The following NPEPPS variants were observed in gnomAD, a reference collection of about 807,000 sequenced individuals.
The protein encoded by NPEPPS is aminopeptidase puromycin sensitive.
Under a neutral mutation model 115.5 loss-of-function variants are expected in NPEPPS, and 14 were observed. That is an observed-to-expected ratio of 0.12 (90% CI 0.08 to 0.19). The LOEUF (loss-of-function observed/expected upper bound fraction) is 0.19. NPEPPS is among the 10% of genes least tolerant of loss of function. NPEPPS has a pLI of 1.00. For synonymous variants in NPEPPS, 285 were observed against 390.6 expected (o/e 0.73, Z 3.19); for missense variants, 523 against 1,110.8 (o/e 0.47, Z 7.52).
In NPEPPS at chr17:47,619,058, G is replaced by T; in HGVS notation, c.2453G>T (p.Gly818Val). ...DTVSVIGGVA[G>V]GSKHGRKAAW... ...GTATCGGTAATTGGTGGAGTAGCTG[G>T]AGGCAGCAAGCATGGTAGGAAAGCT... The change falls in exon 21 of 23, where the codon GGA becomes GTA. Residue 818 changes from glycine to valine, a missense_variant. Gly to Val is a moderately radical substitution (Grantham distance 109). Coordinates refer to ENST00000322157, the MANE Select transcript of NPEPPS (RefSeq NM_006310.4). The T allele has an allele frequency of 6.2e-7, 1 of 1,613,956 alleles. No individual in the cohort carries two copies. The highest frequency in any genetic ancestry group is 1.1e-5 in the South Asian group (1 of 91,078).
intron 22 of NPEPPS, among the ~76,000 whole-genome samples, chr17:47,620,453 G>T (rs1422786208): frequency 6.6e-6 from 1 of 152,110 alleles, no homozygotes; most frequent in Non-Finnish European, 1.5e-5. Flanking sequence ...AGATTCAGGG[G>T]CTTGAATTTG....
At chr17:47,546,425 C>G (rs1198735297) in intron 2 of NPEPPS, among the ~76,000 whole-genome samples, 5 of 148,110 alleles carry the variant, frequency 3.4e-5, no homozygotes. Context: ...GACCCTGACT[C>G]AAAAAAAGAA....
In NPEPPS at chr17:47,622,735, A is replaced by T; in HGVS notation, c.*815A>T. On this transcript the variant is annotated 3_prime_UTR_variant, in exon 23 of 23. Coordinates refer to ENST00000322157, the MANE Select transcript of NPEPPS (RefSeq NM_006310.4). Reference sequence around the variant, plus strand: ...CATTATTTTTTTCTTTTTAAAGATGACTTATAAGAACCCTGAAATTTATAT... The same window carrying T: ...CATTATTTTTTTCTTTTTAAAGATGTCTTATAAGAACCCTGAAATTTATAT... 1 of 394,520 alleles carries T rather than the reference A, an allele frequency of 2.5e-6. No homozygotes were observed. The allele number at this position is 394,520 out of a possible 1,614,324, so 24.4% of individuals were successfully genotyped here.
intron 10 of NPEPPS, 35 bp from the exon 11 acceptor site, chr17:47,591,920 CT>C (rs1413809995): frequency 1.4e-6 from 1 of 724,920 alleles, no homozygotes; most frequent in African/African-American, 1.8e-5. Context: ...AGGCTATCTG[CT>C]TCCTGTCATA....
chr17:47,552,151 A>G (rs1191424394), intron 2 of NPEPPS, among the ~76,000 whole-genome samples: 7 of 150,918 alleles, frequency 4.6e-5, no homozygotes, highest in Non-Finnish European at 7.4e-5. Context: ...ATTTTTGTAG[A>G]GATGGGGTTT....
intron 1 of NPEPPS, among the ~76,000 whole-genome samples, chr17:47,539,563 G>A (rs1470195467): frequency 1.3e-5 from 2 of 152,010 alleles, no homozygotes; most frequent in African/African-American, 4.8e-5. Flanking sequence ...TATCACTAAA[G>A]CCCATTTCCA....
intron 12 of NPEPPS, among the ~76,000 whole-genome samples, chr17:47,595,421 G>T (rs1353614311): frequency 6.6e-6 from 1 of 152,200 alleles, no homozygotes; most frequent in African/African-American, 2.4e-5. Context: ...AAGTTTGTCA[G>T]TGATTGTTTA....
intron 1 of NPEPPS, among the ~76,000 whole-genome samples, chr17:47,536,115 G>A (rs370638367): frequency 6.6e-6 from 1 of 151,996 alleles, no homozygotes; most frequent in Non-Finnish European, 1.5e-5. Flanking sequence ...GATTACAGGC[G>A]TGAGCCACCG....
chr17:47,587,154 T>A, intron 8 of NPEPPS, 76 bp from the exon 9 acceptor site: 1 of 1,429,414 alleles, frequency 7.0e-7, no homozygotes, highest in Non-Finnish European at 9.3e-7. Context: ...TCTGACTTAC[T>A]GTCTGAATCT....
chr17:47,528,536 C>T (rs893015779), upstream of NPEPPS, among the ~76,000 whole-genome samples: 5 of 151,960 alleles, frequency 3.3e-5, no homozygotes, highest in Non-Finnish European at 2.9e-5. Context: ...CTACTGATCA[C>T]GTGAAATGTG....
At chr17:47,598,749 G>C (rs1296256866) in intron 13 of NPEPPS, among the ~76,000 whole-genome samples, 1 of 152,202 alleles carries the variant, frequency 6.6e-6, no homozygotes, top group Non-Finnish European at 1.5e-5. Flanking sequence ...ACACTTCTCA[G>C]TGTTACTGAA....
intron 5 of NPEPPS, among the ~76,000 whole-genome samples, chr17:47,584,777 C>CCCT (rs1912082936): frequency 6.6e-6 from 1 of 151,998 alleles, no homozygotes; most frequent in African/African-American, 2.4e-5. Context: ...GTAGAGAATG[C>CCCT]CCTCGATCTA....
intron 20 of NPEPPS, 83 bp downstream of exon 20, chr17:47,618,540 G>A: frequency 1.0e-6 from 1 of 968,284 alleles, no homozygotes; most frequent in Non-Finnish European, 1.6e-6. Flanking sequence ...TGATCCTCTT[G>A]AGCTGCCTTA....
At chr17:47,559,741 GC>G (rs1157033157) in intron 2 of NPEPPS, 1 of 441,486 alleles carries the variant, frequency 2.3e-6, no homozygotes, top group Non-Finnish European at 4.5e-6. Flanking sequence ...ATTTACTCAA[GC>G]CTCTTGTCTT....
chr17:47,569,771 C>G (rs960865585), intron 3 of NPEPPS, among the ~76,000 whole-genome samples: 3 of 152,162 alleles, frequency 2.0e-5, no homozygotes, highest in African/African-American at 7.2e-5. Context: ...GTGCCTACCA[C>G]CACACCGGCT....
In NPEPPS at chr17:47,594,586, TTTATTTTATG is replaced by T. The variant is rs1186738738; in HGVS notation, c.1427-1762_1427-1753del. The stretch of plus-strand genomic sequence containing the variant: ...CCACCACGGCCGGCTAATTTTGTAT[TTTATTTTATG>T]TTATGTTATGTTATGTTATGTTATG... On this transcript the variant is annotated intron_variant, in intron 12 of 22. Coordinates refer to ENST00000322157, the MANE Select transcript of NPEPPS (RefSeq NM_006310.4). Among the ~76,000 whole-genome samples, 560 of 118,768 alleles carry T rather than the reference TTTATTTTATG, an allele frequency of 4.7e-3. 1 individual carries two copies. Among genetic ancestry groups the T allele is most frequent in the African/African-American group, 0.015 (440 of 29,850 alleles). The allele number at this position is 118,768 out of a possible 152,430, so 77.9% of individuals were successfully genotyped here.
Position 47,619,854 on chromosome 17 carries a change from T to C in NPEPPS, c.2607+70T>C, listed in dbSNP as rs150666861. 1.2e-4 allele frequency: 146 copies of C among 1,193,658 alleles called. No homozygotes were observed. The African/African-American group carries it at 1.9e-3, about 16-fold the overall frequency. The allele number at this position is 1,193,658 out of a possible 1,614,324, so 73.9% of individuals were successfully genotyped here. A position where few individuals can be genotyped will look rare whatever the true frequency, so the allele number is the denominator to read the frequency against. On this transcript the variant is annotated intron_variant, in intron 22 of 22. Transcript: ENST00000322157. ...AAAAACAATAACCTGGTTGTAATTA[T>C]AGTGTTGGGATAATGTACTGTAGCA...
At chr17:47,600,935 T>C (rs1409884619) in intron 14 of NPEPPS, among the ~76,000 whole-genome samples, 1 of 152,076 alleles carries the variant, frequency 6.6e-6, no homozygotes, top group Admixed American at 6.6e-5. Context: ...TTAAATGATA[T>C]ATGAAGGCTG....
At chr17:47,531,924 G>T (rs967699195) in intron 1 of NPEPPS, among the ~76,000 whole-genome samples, 1 of 152,190 alleles carries the variant, frequency 6.6e-6, no homozygotes, top group East Asian at 1.9e-4. Flanking sequence ...GCTGGAGGGT[G>T]TTGGGGGAGG....
Sources: gnomAD v4.1 joint callset for allele counts (sites outside exome capture counted in the v4.1 genomes callset) on GRCh38, gnomAD v4.1.1 for gene constraint, MANE v1.5 for transcripts, NCBI Gene and HGNC (gene_info 2026-07-23, HGNC 2026-07-21) for gene names.